LRRC20: variants seen among roughly 807,000 people sequenced by gnomAD.
LRRC20 encodes leucine rich repeat containing 20.
In LRRC20, 11 loss-of-function variants were observed where a neutral mutation model predicts 14.4. The ratio of observed to expected loss-of-function variants is 0.77; its 90% confidence interval spans 0.48 to 1.27. The LOEUF is 1.27. Among genes scored for constraint, LRRC20 ranks in the 50% most tolerant of loss-of-function variants. The pLI is 0.00. For missense variants in LRRC20, 219 were observed against 251.2 expected (o/e 0.87, Z 0.87); for synonymous variants, 121 against 107.3 (o/e 1.13, Z -0.79).
intron 3 of LRRC20, among the ~76,000 whole-genome samples, chr10:70,329,239 G>T (rs1475497299): frequency 6.6e-6 from 1 of 152,190 alleles, no homozygotes; most frequent in Non-Finnish European, 1.5e-5. Context: ...AGAAAAGAAG[G>T]TTATTTCAGA....
chr10:70,371,817 C>T (rs989963701), intron 2 of LRRC20, among the ~76,000 whole-genome samples: 13 of 152,128 alleles, frequency 8.5e-5, no homozygotes, highest in African/African-American at 1.4e-4. Context: ...AAGGAGCCCA[C>T]GTCTCTGGGG....
chr10:70,304,508 T>TATATATATATATATA (rs1841344904), intron 4 of LRRC20, among the ~76,000 whole-genome samples: 1 of 93,218 alleles, frequency 1.1e-5, no homozygotes, highest in Non-Finnish European at 2.5e-5. Context: ...ATATATATAT[T>TATATATATATATATA]TTACTAAGCA....
chr10:70,348,091 A>G (rs1244992765), intron 2 of LRRC20, among the ~76,000 whole-genome samples: 1 of 151,992 alleles, frequency 6.6e-6, no homozygotes, highest in Admixed American at 6.6e-5. Context: ...TTTCTCCATT[A>G]TGTGACCCCT....
chr10:70,330,227 A>T (rs1842484535), intron 3 of LRRC20, among the ~76,000 whole-genome samples: 3 of 151,754 alleles, frequency 2.0e-5, no homozygotes, highest in Non-Finnish European at 4.4e-5. Context: ...CAATGCAATC[A>T]CCTGGGCTTG....
chr10:70,324,512 C>A (rs1269260490), intron 3 of LRRC20, among the ~76,000 whole-genome samples: 1 of 152,240 alleles, frequency 6.6e-6, no homozygotes, highest in Non-Finnish European at 1.5e-5. Flanking sequence ...CCCCTTCTCC[C>A]CTGGCCAACC....
chr10:70,346,139 G>C (rs1843065245), intron 2 of LRRC20, among the ~76,000 whole-genome samples: 2 of 152,132 alleles, frequency 1.3e-5, no homozygotes, highest in Non-Finnish European at 2.9e-5. Context: ...TGTAATCCCA[G>C]CTACTCAGGA....
At chr10:70,311,488 C>T (rs1335514893) in intron 4 of LRRC20, among the ~76,000 whole-genome samples, 2 of 152,128 alleles carry the variant, frequency 1.3e-5, no homozygotes, top group Admixed American at 6.5e-5. Flanking sequence ...TCCCAAAGTG[C>T]TGGGATTACA....
chr10:70,356,192 A>G (rs1271894833), intron 2 of LRRC20, among the ~76,000 whole-genome samples: 2 of 152,340 alleles, frequency 1.3e-5, no homozygotes, highest in East Asian at 3.9e-4. Context: ...CTTCTTCAGT[A>G]AAGTGAGGAC....
chr10:70,316,821 G>A (rs953059250), intron 4 of LRRC20, among the ~76,000 whole-genome samples: 3 of 152,242 alleles, frequency 2.0e-5, no homozygotes, highest in African/African-American at 7.2e-5. Flanking sequence ...CACAATCGAT[G>A]CCTGCACCTA....
intron 2 of LRRC20, among the ~76,000 whole-genome samples, chr10:70,368,987 A>G (rs1844149267): frequency 6.6e-6 from 1 of 152,186 alleles, no homozygotes; most frequent in Admixed American, 6.5e-5. Flanking sequence ...CCTACCCTTC[A>G]GAAAATCCTG....
At chr10:70,371,338 C>A (rs1844259415) in intron 2 of LRRC20, among the ~76,000 whole-genome samples, 1 of 151,826 alleles carries the variant, frequency 6.6e-6, no homozygotes, top group Non-Finnish European at 1.5e-5. Context: ...GAGACAGGGT[C>A]TCTACCAAAA....
At chr10:70,336,647 A>T (rs892849502) in intron 3 of LRRC20, among the ~76,000 whole-genome samples, 1 of 152,346 alleles carries the variant, frequency 6.6e-6, no homozygotes, top group African/African-American at 2.4e-5. Context: ...ATCAGAGAGT[A>T]CCTGAAGTCT....
intron 2 of LRRC20, among the ~76,000 whole-genome samples, chr10:70,348,343 G>A (rs1843156587): frequency 6.6e-6 from 1 of 152,178 alleles, no homozygotes; most frequent in African/African-American, 2.4e-5. Context: ...ATGGTCCCGG[G>A]ACAAGAAAAT....
In LRRC20 at chr10:70,355,793, G is replaced by A. The variant is rs554752420; in HGVS notation, c.83-15091C>T. Among the ~76,000 whole-genome samples, 5 of 152,274 alleles carry A rather than the reference G, an allele frequency of 3.3e-5. No individual in the cohort carries two copies. The South Asian group carries it at 6.2e-4, about 19-fold the overall frequency. On this transcript the variant is annotated intron_variant, in intron 2 of 4. Coordinates refer to ENST00000446961, the MANE Select transcript of LRRC20 (RefSeq NM_001278212.2). ...GATCAGTGGAGATGGGTGTTGATGG[G>A]GACATAGGGAACAGAGCTAAAGTCC... is the stretch of plus-strand genomic sequence containing the variant.
chr10:70,360,743 C>A (rs1843689615), intron 2 of LRRC20, among the ~76,000 whole-genome samples: 2 of 152,170 alleles, frequency 1.3e-5, no homozygotes, highest in South Asian at 4.1e-4. Context: ...ACACTGGGCC[C>A]ACTGCATTTC....
In LRRC20 at chr10:70,301,245, G is replaced by GCCCCCCCCCC; in HGVS notation, c.*108_*109insGGGGGGGGGG. 1 of 1,465,166 alleles carries GCCCCCCCCCC rather than the reference G, an allele frequency of 6.8e-7. No homozygotes were observed. 90.8% of individuals were successfully genotyped at this position (1,465,166 alleles called of 1,614,324 possible). ...CACCCCACCCACCACGTGCTGCTCGGCCCACCCGCCCCCAGCCCCCAGGCT... is the reference window on the plus strand; with the variant it reads ...CACCCCACCCACCACGTGCTGCTCGGCCCCCCCCCCCCCACCCGCCCCCAGCCCCCAGGCT... On this transcript the variant is annotated 3_prime_UTR_variant, in exon 5 of 5. Transcript: ENST00000446961.
intron 3 of LRRC20, among the ~76,000 whole-genome samples, chr10:70,335,956 G>A (rs1024020447): frequency 3.3e-5 from 5 of 152,164 alleles, no homozygotes; most frequent in African/African-American, 9.7e-5. Flanking sequence ...CCCACAGACC[G>A]TGGACAAACG....
intron 4 of LRRC20, among the ~76,000 whole-genome samples, chr10:70,318,060 G>A (rs999114580): frequency 6.6e-6 from 1 of 152,200 alleles, no homozygotes; most frequent in Non-Finnish European, 1.5e-5. Flanking sequence ...TCTTGCTCAG[G>A]TGCAGATTCT....
intron 4 of LRRC20, among the ~76,000 whole-genome samples, chr10:70,308,109 G>T (rs1044978975): frequency 6.6e-6 from 1 of 152,128 alleles, no homozygotes; most frequent in African/African-American, 2.4e-5. Context: ...TATGGCTCCC[G>T]GAGCCCCTCA....
Sources: allele counts gnomAD v4.1 joint callset (sites outside exome capture counted in the v4.1 genomes callset), GRCh38; gene constraint gnomAD v4.1.1; transcripts MANE v1.5; gene names NCBI Gene and HGNC (gene_info 2026-07-23, HGNC 2026-07-21).